NPR3: variants seen among roughly 807,000 people sequenced by gnomAD.
The protein encoded by NPR3 is atrial natriuretic peptide receptor 3.
Under a neutral mutation model 54.5 loss-of-function variants are expected in NPR3, and 34 were observed. That is an observed-to-expected ratio of 0.62 (90% CI 0.47 to 0.83). The LOEUF is 0.83. Ranked by LOEUF, NPR3 falls within the 40% of genes least tolerant of loss-of-function variation. The probability of loss-of-function intolerance (pLI) is 0.00; values close to 1 mark genes in which losing one functional copy is unlikely to be tolerated. For synonymous variants in NPR3, 289 were observed against 297.1 expected (o/e 0.97, Z 0.28); for missense variants, 674 against 720.8 (o/e 0.94, Z 0.74).
intron 2 of NPR3, among the ~76,000 whole-genome samples, chr5:32,727,187 C>T (rs1036971334): frequency 4.6e-5 from 7 of 152,180 alleles, no homozygotes; most frequent in African/African-American, 7.2e-5. Context: ...AGTACAGAGG[C>T]GTGATCTTGG....
intron 2 of NPR3, among the ~76,000 whole-genome samples, chr5:32,735,677 T>C (rs1038907916): frequency 6.6e-6 from 1 of 152,148 alleles, no homozygotes; most frequent in Non-Finnish European, 1.5e-5. Context: ...ATATCACTCT[T>C]CTGTTCTGCT....
upstream of NPR3, chr5:32,710,843 C>T (rs1738171254): frequency 7.7e-7 from 1 of 1,301,120 alleles, no homozygotes; most frequent in Non-Finnish European, 1.0e-6. Context: ...AGAACCATCC[C>T]TTTCCCCCAG....
rs754894698 is a variant in NPR3 at position 32,774,693 on chromosome 5, G to T, written c.1060-15G>T. The T allele has an allele frequency of 6.2e-7, 1 of 1,605,932 alleles. No homozygotes were observed. Among genetic ancestry groups the T allele is most frequent in the African/African-American group, 1.3e-5 (1 of 74,744 alleles). On this transcript the variant is annotated splice_polypyrimidine_tract_variant and intron_variant, in intron 3 of 7. Transcript: ENST00000265074. ...CTTGGTGTTTTGGTTCACCCATCTG[G>T]GGTTTTCTTTTCAGGTTAACATGTT...
In NPR3 at chr5:32,790,774, T is replaced by C. The variant is rs2112093655; in HGVS notation, c.*4429T>C. On this transcript the variant is annotated 3_prime_UTR_variant, in exon 8 of 8. Transcript: ENST00000265074. ...ATGCTGTCAGTGTTCAAGTTTTAAG[T>C]GACTTCAAACACAATGGAAGTGTTT... The C allele has an allele frequency of 6.0e-6, 1 of 167,182 alleles. No homozygotes were observed. 10.4% of individuals were successfully genotyped at this position (167,182 alleles called of 1,614,324 possible). A position where few individuals can be genotyped will look rare whatever the true frequency, so the allele number is the denominator to read the frequency against.
At chr5:32,727,870 A>T (rs1431296458) in intron 2 of NPR3, among the ~76,000 whole-genome samples, 1 of 152,254 alleles carries the variant, frequency 6.6e-6, no homozygotes, top group Non-Finnish European at 1.5e-5. Flanking sequence ...GAACTTCCAG[A>T]ATAATATCAT....
chr5:32,759,820 G>T (rs376989257), intron 3 of NPR3, among the ~76,000 whole-genome samples: 1 of 152,062 alleles, frequency 6.6e-6, no homozygotes. Flanking sequence ...AAATCTCTCC[G>T]CATTTGCTTG....
chr5:32,701,008 C>T (rs1261572576), intron 1 of NPR3, among the ~76,000 whole-genome samples: 7 of 152,174 alleles, frequency 4.6e-5, no homozygotes, highest in Non-Finnish European at 5.9e-5. Context: ...TTTACACTTC[C>T]ACCAACAGTG....
intron 1 of NPR3, among the ~76,000 whole-genome samples, chr5:32,699,559 A>G (rs1413023832): frequency 6.6e-6 from 1 of 152,102 alleles, no homozygotes; most frequent in Non-Finnish European, 1.5e-5. Context: ...GAGAACATGC[A>G]GTGTTTGGAA....
At chr5:32,716,581 G>A (rs1047091089) in intron 1 of NPR3, 4 of 348,912 alleles carry the variant, frequency 1.1e-5, no homozygotes, top group African/African-American at 8.6e-5. Flanking sequence ...TATTTGAATA[G>A]CCACTGCATT....
chr5:32,712,956 C>T (rs1203118143), intron 1 of NPR3, among the ~76,000 whole-genome samples: 1 of 152,162 alleles, frequency 6.6e-6, no homozygotes, highest in African/African-American at 2.4e-5. Context: ...CCTTTGCCAG[C>T]GTGCGCCCCC....
intron 1 of NPR3, among the ~76,000 whole-genome samples, chr5:32,721,989 C>T (rs1276644605): frequency 6.6e-6 from 1 of 152,180 alleles, no homozygotes; most frequent in Non-Finnish European, 1.5e-5. Context: ...ACCTGGTGAC[C>T]TTATCTAATC....
upstream of NPR3, among the ~76,000 whole-genome samples, chr5:32,705,500 T>C (rs906166929): frequency 6.6e-6 from 1 of 152,114 alleles, no homozygotes; most frequent in African/African-American, 2.4e-5. Context: ...CTTACAATCA[T>C]GGCAGAAGGC....
At chr5:32,713,201 A>T in intron 1 of NPR3, 1 of 985,412 alleles carries the variant, frequency 1.0e-6, no homozygotes, top group Non-Finnish European at 1.2e-6. Flanking sequence ...CACTTCTCCC[A>T]GAGTGTTCTG....
At chr5:32,748,047 C>T (rs905159074) in intron 3 of NPR3, among the ~76,000 whole-genome samples, 1 of 152,112 alleles carries the variant, frequency 6.6e-6, no homozygotes, top group African/African-American at 2.4e-5. Context: ...AGCCATCATG[C>T]CCGGCAGGAA....
intron 4 of NPR3, among the ~76,000 whole-genome samples, chr5:32,778,398 T>C (rs973184944): frequency 1.4e-4 from 21 of 152,146 alleles, no homozygotes; most frequent in African/African-American, 4.8e-4. Context: ...CTTCCTAAAA[T>C]TGAAAACAAT....
Position 32,712,145 on chromosome 5 carries a change from G to A in NPR3, c.369G>A (p.Ala123=). The A allele has an allele frequency of 6.2e-7, 1 of 1,613,418 alleles. No homozygotes were observed. Among genetic ancestry groups the A allele is most frequent in the Non-Finnish European group, 8.5e-7 (1 of 1,179,786 alleles). Residue 123 remains alanine (A), a synonymous_variant, in exon 1 of 8, where the codon GCG becomes GCA. Transcript: ENST00000265074. The stretch of plus-strand genomic sequence containing the variant: ...GCTTGGTGGACCGCGTGGCGGCGGC[G>A]CGGGGCGCCAAGCCAGACCTTATCC... ...LFSLVDRVAA[A]RGAKPDLILG... is the part of the protein sequence containing the mutation.
intron 5 of NPR3, 129 bp from the exon 6 acceptor site, chr5:32,782,764 T>G (rs964296288): frequency 1.3e-4 from 114 of 865,388 alleles, no homozygotes; most frequent in Middle Eastern, 4.5e-4. Flanking sequence ...AGACGGTGAT[T>G]TGATGAAATG....
intron 4 of NPR3, among the ~76,000 whole-genome samples, chr5:32,779,937 C>T (rs190973948): frequency 3.6e-4 from 55 of 152,290 alleles, no homozygotes; most frequent in African/African-American, 1.2e-3. Context: ...GCCCATTTTA[C>T]AGTTGTGGAG....
At chr5:32,778,263 T>C (rs1742170164) in intron 4 of NPR3, among the ~76,000 whole-genome samples, 1 of 152,194 alleles carries the variant, frequency 6.6e-6, no homozygotes, top group Admixed American at 6.5e-5. Context: ...GTAAAGATAA[T>C]TGAAGCCAAG....
Sources: gnomAD v4.1 joint callset for allele counts (sites outside exome capture counted in the v4.1 genomes callset) on GRCh38, gnomAD v4.1.1 for gene constraint, MANE v1.5 for transcripts, NCBI Gene and HGNC (gene_info 2026-07-23, HGNC 2026-07-21) for gene names.